Variants in PIGB observed in about 807,000 individuals in gnomAD.
The protein encoded by PIGB is GPI alpha-1,2-mannosyltransferase 3.
A neutral mutation model predicts 68.4 loss-of-function variants in PIGB; 58 were observed. The observed-to-expected ratio is 0.85, with a 90% CI of 0.69 to 1.06. PIGB has a LOEUF of 1.06. PIGB is among the 50% of genes least tolerant of loss of function. The pLI is 0.00. For missense variants in PIGB, 634 were observed against 655.8 expected (o/e 0.97, Z 0.36); for synonymous variants, 219 against 220.5 (o/e 0.99, Z 0.06).
chr15:55,348,026 G>C (rs1316258655), intron 9 of PIGB, among the ~76,000 whole-genome samples: 1 of 119,092 alleles, frequency 8.4e-6, no homozygotes, highest in East Asian at 2.6e-4. Flanking sequence ...ATCTCGCTCT[G>C]TCACCAGGCT....
At position 55,328,395 on chromosome 15, in the gene PIGB, T is replaced by C. The variant is rs532130906; in HGVS notation, c.522+760T>C. On this transcript the variant is annotated intron_variant, in intron 4 of 11. Transcript: ENST00000164305. ...AAAGTCTTAACTACCTTTTTTATAT[T>C]GTTTCTATTGGAAAATACATTCTAA... 1.1e-4 allele frequency among the ~76,000 whole-genome samples: 16 copies of C among 152,346 alleles called. 1 individual carries two copies. The highest frequency in any genetic ancestry group is 3.1e-4 in the African/African-American group (13 of 41,590).
intron 5 of PIGB, 33 bp from the exon 6 acceptor site, chr15:55,333,834 C>T (rs999749281): frequency 6.7e-7 from 1 of 1,482,362 alleles, no homozygotes; most frequent in South Asian, 1.3e-5. Context: ...AGTTAATTTC[C>T]CACTTGTCTT....
intron 2 of PIGB, among the ~76,000 whole-genome samples, chr15:55,320,838 A>G (rs1220389253): frequency 6.6e-6 from 1 of 152,166 alleles, no homozygotes; most frequent in Admixed American, 6.5e-5. Context: ...TATTTTCCCC[A>G]AATAATTTTA....
At chr15:55,332,224 C>T (rs532884024) in intron 5 of PIGB, among the ~76,000 whole-genome samples, 6 of 152,076 alleles carry the variant, frequency 3.9e-5, no homozygotes, top group African/African-American at 9.6e-5. Flanking sequence ...CCAGCTGCCT[C>T]GGCCTCCCAA....
Position 55,340,622 on chromosome 15 carries a change from T to G in PIGB, c.857T>G (p.Val286Gly). The G allele has an allele frequency of 6.2e-7, 1 of 1,609,130 alleles. No individual in the cohort carries two copies. Among genetic ancestry groups the G allele is most frequent in the Non-Finnish European group, 8.5e-7 (1 of 1,177,274 alleles). ...DRIFFGQWTL[V>G]QFNFLKFNVL... ...CTTCAACGGTGCCAGTGGACTCTGG[T>G]TCAATTTAATTTTTTGAAATTTAAC... Residue 286 changes from valine (V) to glycine (G), a missense_variant, in exon 8 of 12, where the codon GTT (valine) becomes GGT (glycine). Physicochemically the swap from Val to Gly is moderately radical, Grantham distance 109. Transcript: ENST00000164305.
At chr15:55,319,725 A>T (rs1555402385) in intron 1 of PIGB, 1 of 219,888 alleles carries the variant, frequency 4.5e-6, no homozygotes, top group Non-Finnish European at 9.0e-6. Flanking sequence ...TTATTTGGAC[A>T]AGGCAGTTTA....
chr15:55,321,854 G>A (rs2055174549), intron 3 of PIGB, among the ~76,000 whole-genome samples: 1 of 147,940 alleles, frequency 6.8e-6, no homozygotes, highest in Non-Finnish European at 1.5e-5. Context: ...GTTTCTCTGT[G>A]TTGGTCAGGC....
At chr15:55,326,793 C>T (rs868778680) in intron 3 of PIGB, among the ~76,000 whole-genome samples, 72 of 152,074 alleles carry the variant, frequency 4.7e-4, no homozygotes, top group Admixed American at 1.0e-3. Context: ...GCCGCGGTTG[C>T]GCCACTGGAC....
rs922466819 is a variant in PIGB, at chr15:55,329,744, C to G, written c.543C>G (p.Ser181=). ...ARWVFFCQLC[S]WFTWYCCTRT... is the part of the protein sequence containing the mutation. The stretch of plus-strand genomic sequence containing the variant: ...CTTAGTTTTTTTGCCAGTTGTGCTC[C>G]TGGTTCACATGGTATTGCTGTACCA... The change falls in exon 5 of 12, where the codon TCC becomes TCG. Residue 181 remains serine, a synonymous_variant. Transcript: ENST00000164305. 11 of 1,609,964 alleles carry G rather than the reference C, an allele frequency of 6.8e-6. No individual in the cohort carries two copies. In the Admixed American group the frequency reaches 1.5e-4, roughly 22 times the overall value.
At position 55,354,977 on chromosome 15, in the gene PIGB, A is replaced by G. The variant is rs538066888; in HGVS notation, c.1517A>G (p.Glu506Gly). ...TTGATCACCTTCAGCATTTTGGAAG[A>G]GGTAAGTAAACATGAAAAAGAGGAA... Reference protein sequence around the residue: ...THLITFSILEEEISAFLISSN... With the variant: ...THLITFSILEGEISAFLISSN... Residue 506 changes from glutamate to glycine, a missense_variant and splice_region_variant, in exon 11 of 12, where the codon GAG (glutamate) becomes GGG (glycine). Physicochemically the swap from Glu to Gly is moderately conservative, Grantham distance 98 (BLOSUM62 -2). Coordinates refer to ENST00000164305, the MANE Select transcript of PIGB (RefSeq NM_004855.5). 3.1e-6 allele frequency: 5 copies of G among 1,605,398 alleles called. No homozygotes were observed. The African/African-American group carries it at 5.3e-5, about 17-fold the overall frequency.
At chr15:55,320,485 T>TA (rs1201133097) in intron 2 of PIGB, 75 bp downstream of exon 2, 6 of 1,401,072 alleles carry the variant, frequency 4.3e-6, no homozygotes, top group Non-Finnish European at 5.9e-6. Flanking sequence ...TCTTTTAGAG[T>TA]AGTCCCCCTT....
At chr15:55,332,027 G>C (rs1276238028) in intron 5 of PIGB, among the ~76,000 whole-genome samples, 1 of 151,818 alleles carries the variant, frequency 6.6e-6, no homozygotes, top group Non-Finnish European at 1.5e-5. Flanking sequence ...GCCCAGGCTG[G>C]AGTACAGTGG....
chr15:55,339,908 A>G (rs983079560), intron 7 of PIGB: 28 of 153,080 alleles, frequency 1.8e-4, no homozygotes, highest in African/African-American at 6.5e-4. Context: ...TCGAGTACAT[A>G]TTGGGTACAG....
rs749853294 is a variant in PIGB, at chr15:55,354,982, A to G, written c.1518+4A>G. 2 of 1,603,216 alleles carry G rather than the reference A, an allele frequency of 1.2e-6. No homozygotes were observed. The highest frequency in any genetic ancestry group is 1.7e-6 in the Non-Finnish European group (2 of 1,175,050). On this transcript the variant is annotated splice_donor_region_variant and intron_variant, in intron 11 of 11. Transcript: ENST00000164305. ...CACCTTCAGCATTTTGGAAGAGGTA[A>G]GTAAACATGAAAAAGAGGAAAACTC... is the stretch of plus-strand genomic sequence containing the variant.
intron 7 of PIGB, 133 bp from the exon 8 acceptor site, chr15:55,340,479 A>G: frequency 2.0e-6 from 1 of 491,908 alleles, no homozygotes; most frequent in Non-Finnish European, 3.4e-6. Flanking sequence ...AAAAAAAATT[A>G]TTAATGTAAA....
intron 4 of PIGB, among the ~76,000 whole-genome samples, chr15:55,329,217 CT>C (rs2055358780): frequency 1.3e-5 from 2 of 150,978 alleles, no homozygotes; most frequent in African/African-American, 4.8e-5. Context: ...TGTCTCCTGA[CT>C]TTTTTTTCCT....
At chr15:55,321,208 A>T (rs2055155347) in intron 2 of PIGB, 65 bp from the exon 3 acceptor site, 8 of 300,990 alleles carry the variant, frequency 2.7e-5, no homozygotes, top group South Asian at 1.1e-4. Flanking sequence ...ACCCCATCTT[A>T]AAAAAAAAAA....
chr15:55,353,259 C>T (rs1332264994), intron 10 of PIGB, among the ~76,000 whole-genome samples: 1 of 152,150 alleles, frequency 6.6e-6, no homozygotes, highest in African/African-American at 2.4e-5. Context: ...AACATCTGTC[C>T]CTTGATTAAC....
intron 9 of PIGB, among the ~76,000 whole-genome samples, chr15:55,349,041 C>T (rs959309638): frequency 6.7e-6 from 1 of 148,740 alleles, no homozygotes; most frequent in Non-Finnish European, 1.5e-5. Context: ...TGACACCACG[C>T]CCGGCTAATT....
Sources: gnomAD v4.1 joint callset for allele counts (sites outside exome capture counted in the v4.1 genomes callset) on GRCh38, gnomAD v4.1.1 for gene constraint, MANE v1.5 for transcripts, NCBI Gene and HGNC (gene_info 2026-07-23, HGNC 2026-07-21) for gene names.